LMO7: variants seen among roughly 807,000 people sequenced by gnomAD.
The protein encoded by LMO7 is LIM domain 7, also known as LIM domain only protein 7.
LMO7 carries 120 observed loss-of-function variants against 206.5 expected under a neutral mutation model. The observed-to-expected ratio is 0.58, with a 90% CI of 0.50 to 0.68. The LOEUF is 0.68. LMO7 is among the 30% of genes least tolerant of loss of function. The pLI is 0.00. For missense variants in LMO7, 1,959 were observed against 1,957.9 expected, an observed-to-expected ratio of 1.00 and a Z score of -0.01; for synonymous variants, 706 against 681.5, an observed-to-expected ratio of 1.04 and a Z score of -0.56.
At chr13:75,729,712 C>G (rs577748305) in intron 3 of LMO7, among the ~76,000 whole-genome samples, 2 of 151,586 alleles carry the variant, frequency 1.3e-5, no homozygotes, top group Non-Finnish European at 2.9e-5. Flanking sequence ...TGCCAGTTTT[C>G]AAAGGGAATG....
chr13:75,767,862 TC>T (rs2049102949), intron 4 of LMO7, among the ~76,000 whole-genome samples: 2 of 152,076 alleles, frequency 1.3e-5, no homozygotes, highest in Non-Finnish European at 2.9e-5. Context: ...AGATTACTTT[TC>T]CTCCCTGTAA....
At chr13:75,640,611 A>C (rs542237264) in intron 1 of LMO7, among the ~76,000 whole-genome samples, 1 of 152,130 alleles carries the variant, frequency 6.6e-6, no homozygotes, top group African/African-American at 2.4e-5. Context: ...TCGTTTTTCT[A>C]TATTAGTCTA....
At chr13:75,705,883 A>G (rs527975353) in intron 1 of LMO7, among the ~76,000 whole-genome samples, 1 of 151,666 alleles carries the variant, frequency 6.6e-6, no homozygotes, top group Non-Finnish European at 1.5e-5. Flanking sequence ...GACAGAAAGT[A>G]ATTTAATAAC....
chr13:75,653,081 C>T (rs747287510), intron 1 of LMO7, among the ~76,000 whole-genome samples: 1 of 152,096 alleles, frequency 6.6e-6, no homozygotes, highest in Non-Finnish European at 1.5e-5. Flanking sequence ...CACCTCGGGA[C>T]AGAGTATAGA....
intron 4 of LMO7, among the ~76,000 whole-genome samples, chr13:75,774,760 C>T (rs1019830940): frequency 8.5e-5 from 13 of 152,048 alleles, no homozygotes; most frequent in Non-Finnish European, 1.5e-4. Context: ...TGGTTAGAAG[C>T]CCTTTGTTAG....
intron 1 of LMO7, among the ~76,000 whole-genome samples, chr13:75,707,676 G>T (rs1326152548): frequency 6.6e-6 from 1 of 151,962 alleles, no homozygotes; most frequent in Admixed American, 6.6e-5. Flanking sequence ...GGTGTACAGG[G>T]CATGCCAGAT....
intron 2 of LMO7, among the ~76,000 whole-genome samples, chr13:75,720,224 AG>A (rs1338359715): frequency 6.6e-6 from 1 of 152,128 alleles, no homozygotes; most frequent in Admixed American, 6.5e-5. Context: ...TGTATATTTT[AG>A]ATAAGAGTCC....
Position 75,753,761 on chromosome 13 carries a change from C to A in LMO7, c.211-7171C>A, listed in dbSNP as rs9600547. 8.5e-3 allele frequency among the ~76,000 whole-genome samples: 1,290 copies of A among 152,286 alleles called. 26 individuals are homozygous for A. Among genetic ancestry groups the A allele is most frequent in the African/African-American group, 0.029 (1,189 of 41,542 alleles). ...ACAATGATTTTAAGTTTCCTGAGGC[C>A]TCTCCAGTCCTGTGGAACTGTGAGT... is the stretch of plus-strand genomic sequence containing the variant. On this transcript the variant is annotated intron_variant, in intron 3 of 30. Transcript: ENST00000377534.
chr13:75,646,162 A>G (rs1348099972), intron 1 of LMO7, among the ~76,000 whole-genome samples: 1 of 152,096 alleles, frequency 6.6e-6, no homozygotes, highest in Non-Finnish European at 1.5e-5. Flanking sequence ...TCAGGCTTCC[A>G]AATTTGAAGT....
intron 1 of LMO7, among the ~76,000 whole-genome samples, chr13:75,642,672 G>A (rs899026266): frequency 6.6e-6 from 1 of 151,966 alleles, no homozygotes; most frequent in African/African-American, 2.4e-5. Flanking sequence ...CCCACTGGGT[G>A]AAAAAAACGG....
chr13:75,720,685 C>G (rs1489018021), intron 2 of LMO7, among the ~76,000 whole-genome samples: 1 of 152,194 alleles, frequency 6.6e-6, no homozygotes, highest in Non-Finnish European at 1.5e-5. Flanking sequence ...TCAAGCACAA[C>G]AGTGAGGCTA....
chr13:75,732,338 T>G (rs1398677493), intron 3 of LMO7, among the ~76,000 whole-genome samples: 1 of 145,320 alleles, frequency 6.9e-6, no homozygotes, highest in Non-Finnish European at 1.5e-5. Context: ...TTATTCTTTT[T>G]TCTCTAAACT....
At chr13:75,780,641 G>A (rs2051189066) in intron 4 of LMO7, among the ~76,000 whole-genome samples, 1 of 152,086 alleles carries the variant, frequency 6.6e-6, no homozygotes, top group Admixed American at 6.5e-5. Context: ...GAAGATGACG[G>A]GATTAAGAGA....
At chr13:75,848,833 C>T (rs1482540665) in intron 26 of LMO7, 4 of 395,740 alleles carry the variant, frequency 1.0e-5, no homozygotes, top group Non-Finnish European at 1.4e-5. Flanking sequence ...GGAAGCTACA[C>T]ACTGATTTCC....
At chr13:75,796,564 C>G (rs1187611446) in intron 5 of LMO7, 72 bp from the exon 6 acceptor site, 30 of 801,664 alleles carry the variant, frequency 3.7e-5, no homozygotes, top group Middle Eastern at 4.5e-4. Context: ...CTACAGTACT[C>G]ACCTATATTT....
chr13:75,688,729 A>G (rs1263253988), intron 1 of LMO7: 2 of 152,198 alleles, frequency 1.3e-5, no homozygotes, highest in African/African-American at 4.8e-5. Context: ...AAAGTCTTCA[A>G]TATTCTTCAT....
chr13:75,784,712 T>C (rs1337679329), intron 4 of LMO7, among the ~76,000 whole-genome samples: 3 of 152,206 alleles, frequency 2.0e-5, no homozygotes, highest in Admixed American at 2.0e-4. Context: ...GTGCTAGGCA[T>C]TTTAAATGTG....
At chr13:75,843,692 G>A (rs554447033) in intron 25 of LMO7, among the ~76,000 whole-genome samples, 1 of 152,234 alleles carries the variant, frequency 6.6e-6, no homozygotes, top group South Asian at 2.1e-4. Flanking sequence ...CTAAAACATT[G>A]TTTTAATGTT....
intron 6 of LMO7, among the ~76,000 whole-genome samples, chr13:75,798,170 AG>A (rs1361917960): frequency 6.6e-6 from 1 of 152,326 alleles, no homozygotes; most frequent in Non-Finnish European, 1.5e-5. Flanking sequence ...TGTGAGTTCG[AG>A]ACCAGCCTGA....
Sources: gnomAD v4.1 joint callset for allele counts (sites outside exome capture counted in the v4.1 genomes callset) on GRCh38, gnomAD v4.1.1 for gene constraint, MANE v1.5 for transcripts, NCBI Gene and HGNC (gene_info 2026-07-23, HGNC 2026-07-21) for gene names.